The following CTC1 variants were observed in gnomAD, a reference collection of about 807,000 sequenced individuals.
The protein encoded by CTC1 is CST complex subunit CTC1.
In CTC1, 91 loss-of-function variants were observed where a neutral mutation model predicts 136.3. The observed-to-expected ratio is 0.67, with a 90% CI of 0.56 to 0.79. The LOEUF is 0.79. CTC1 is among the 30% of genes least tolerant of loss of function. The pLI is 0.00. For synonymous variants in CTC1, 606 were observed against 613.8 expected (o/e 0.99, Z 0.19); for missense variants, 1,432 against 1,498.1 (o/e 0.96, Z 0.73).
chr17:8,235,993 T>G lies in CTC1; in HGVS notation c.1078-34A>C, dbSNP rs533300549. Reference sequence around the variant, plus strand: ...AGGCCGAGGTCCAGTTGACCACTATTTTCTTCCTCTTTGAAAACCCACATT... The same window carrying G: ...AGGCCGAGGTCCAGTTGACCACTATGTTCTTCCTCTTTGAAAACCCACATT... On this transcript the variant is annotated intron_variant, in intron 6 of 22. Transcript: ENST00000651323. The G allele has an allele frequency of 1.8e-4, 295 of 1,599,816 alleles. 1 individual carries two copies. The South Asian group carries it at 3.0e-3, about 16-fold the overall frequency.
chr17:8,235,995 T>C, intron 6 of CTC1, 36 bp from the exon 7 acceptor site: 1 of 1,600,014 alleles, frequency 6.2e-7, no homozygotes, highest in East Asian at 2.2e-5. Flanking sequence ...ACCACTATTT[T>C]CTTCCTCTTT....
intron 11 of CTC1, 41 bp downstream of exon 11, chr17:8,232,865 C>T: frequency 1.2e-6 from 2 of 1,605,634 alleles, no homozygotes. Context: ...ATGAGAACCA[C>T]CATCCCACTA....
chr17:8,230,781 T>C, intron 15 of CTC1, 130 bp from the exon 16 acceptor site: 1 of 743,612 alleles, frequency 1.3e-6, no homozygotes, highest in South Asian at 1.7e-5. Context: ...TGAAAAAACC[T>C]GAGCTCTGCC....
chr17:8,241,393 G>A (rs1478623154), intron 2 of CTC1, among the ~76,000 whole-genome samples: 1 of 152,084 alleles, frequency 6.6e-6, no homozygotes, highest in Non-Finnish European at 1.5e-5. Context: ...GACCGAGACG[G>A]CAGATCACCT....
At chr17:8,242,551 AAAATATATAT>A (rs1336316321) in intron 2 of CTC1, among the ~76,000 whole-genome samples, 19 of 45,280 alleles carry the variant, frequency 4.2e-4, no homozygotes, top group African/African-American at 6.1e-4. Flanking sequence ...AAAAAAAAAA[AAAATATATAT>A]ATATATATAT....
chr17:8,228,027 A>T lies in CTC1; in HGVS notation c.*153T>A. 1.3e-6 allele frequency: 1 copy of T among 774,454 alleles called. No homozygotes were observed. The highest frequency in any genetic ancestry group is 2.0e-6 in the Non-Finnish European group (1 of 492,160). The allele number at this position is 774,454 out of a possible 1,614,324, so 48.0% of individuals were successfully genotyped here. On this transcript the variant is annotated 3_prime_UTR_variant, in exon 23 of 23. Coordinates refer to ENST00000651323, the MANE Select transcript of CTC1 (RefSeq NM_025099.6). ...CACAATTTTGCCAAGGCAGGCTGGC[A>T]CCAGAACACCAAAGAAGGGAAATTA... is the stretch of plus-strand genomic sequence containing the variant.
chr17:8,247,053 G>C (rs1258349220), intron 1 of CTC1, among the ~76,000 whole-genome samples: 7 of 146,956 alleles, frequency 4.8e-5, no homozygotes, highest in Non-Finnish European at 1.0e-4. Context: ...GAGTGCAGTG[G>C]CGCGATCTCG....
Position 8,226,639 on chromosome 17 carries a change from G to C in CTC1, c.*1541C>G, listed in dbSNP as rs554261837. On this transcript the variant is annotated 3_prime_UTR_variant, in exon 23 of 23. Coordinates refer to ENST00000651323, the MANE Select transcript of CTC1 (RefSeq NM_025099.6). ...GTCGGCAGGATTCGAACCTGCGCGG[G>C]GAGACCCCAATGGATTTCTAGTCCA... 6.6e-6 allele frequency: 1 copy of C among 151,638 alleles called. No individual in the cohort carries two copies. The highest frequency in any genetic ancestry group is 2.4e-5 in the African/African-American group (1 of 40,916). The allele number at this position is 151,638 out of a possible 1,614,324, so 9.4% of individuals were successfully genotyped here.
chr17:8,229,011 C>T (rs540215567), intron 20 of CTC1, 119 bp from the exon 21 acceptor site: 2 of 1,468,688 alleles, frequency 1.4e-6, no homozygotes, highest in Non-Finnish European at 1.9e-6. Flanking sequence ...TAGGAGCTTA[C>T]CCTCATTCAT....
chr17:8,241,353 G>T (rs1315868950), intron 2 of CTC1, among the ~76,000 whole-genome samples: 1 of 151,780 alleles, frequency 6.6e-6, no homozygotes, highest in South Asian at 2.1e-4. Context: ...GGGTGCAATG[G>T]TTCACACCTG....
intron 1 of CTC1, among the ~76,000 whole-genome samples, chr17:8,247,300 C>G (rs1233102796): frequency 6.8e-6 from 1 of 146,010 alleles, no homozygotes; most frequent in Non-Finnish European, 1.5e-5. Flanking sequence ...AAACCCCTTC[C>G]GGCGCTTTTT....
chr17:8,228,754 C>T lies in CTC1; in HGVS notation c.3360G>A (p.Gln1120=). 6.2e-7 allele frequency: 1 copy of T among 1,614,166 alleles called. No individual in the cohort carries two copies. Among genetic ancestry groups the T allele is most frequent in the Non-Finnish European group, 8.5e-7 (1 of 1,180,000 alleles). The change falls in exon 21 of 23, where the codon CAG becomes CAA. Residue 1120 remains glutamine, a synonymous_variant. Transcript: ENST00000651323. ...FVQVPGRVVL[Q]FAGPGAQLES... Reference sequence around the variant, plus strand: ...CAAGTTGGGCTCCAGGCCCTGCAAACTGCAAGACCACTCTGCCTGGCACTT... The same window carrying T: ...CAAGTTGGGCTCCAGGCCCTGCAAATTGCAAGACCACTCTGCCTGGCACTT...
At chr17:8,246,831 G>C (rs1326620604) in intron 1 of CTC1, among the ~76,000 whole-genome samples, 1 of 151,990 alleles carries the variant, frequency 6.6e-6, no homozygotes, top group Non-Finnish European at 1.5e-5. Flanking sequence ...GCTTGAACCT[G>C]GGAGGCAGAG....
At chr17:8,247,115 T>A (rs529315488) in intron 1 of CTC1, among the ~76,000 whole-genome samples, 2 of 151,592 alleles carry the variant, frequency 1.3e-5, no homozygotes, top group South Asian at 4.2e-4. Context: ...CCTGAGCAGC[T>A]GGGATTACCG....
rs777409385 is a variant in CTC1, at chr17:8,234,911, C to T, written c.1455G>A (p.Val485=). ...EELACKLCPH[V]LRHHQFLQHS... ...GTTGCAGGAACTGGTGGTGTCTCAG[C>T]ACATGGGGACACAGCCTTGGCCAGG... Residue 485 remains valine (V), a synonymous_variant, in exon 9 of 23, where the codon GTG becomes GTA. Transcript: ENST00000651323. 15 of 1,601,412 alleles carry T rather than the reference C, an allele frequency of 9.4e-6. No homozygotes were observed. Among genetic ancestry groups the T allele is most frequent in the Non-Finnish European group, 1.2e-5 (14 of 1,173,476 alleles).
In CTC1 at chr17:8,243,031, AC is replaced by A; in HGVS notation, c.150del (p.Trp50CysfsTer65). 2 of 1,613,846 alleles carry A rather than the reference AC, an allele frequency of 1.2e-6. No homozygotes were observed. The highest frequency in any genetic ancestry group is 1.7e-6 in the Non-Finnish European group (2 of 1,179,890). ...PLVIDCVKTV[W>X]LSQGRNQGST... ...GAACCTTGGTTCCTTCCCTGGGACA[AC>A]CAGACAGTCTTCACACAATCAATTA... On this transcript the variant is annotated frameshift_variant, in exon 2 of 23. Transcript: ENST00000651323. LOFTEE classifies it high-confidence loss of function.
chr17:8,240,888 A>G lies in CTC1; in HGVS notation c.197+2097T>C, dbSNP rs115052751. Reference sequence around the variant, plus strand: ...CGAAATTCCATCTCCAAAAAAAAGAAATTACTTTGGAATTAATGTAACAAA... The same window carrying G: ...CGAAATTCCATCTCCAAAAAAAAGAGATTACTTTGGAATTAATGTAACAAA... On this transcript the variant is annotated intron_variant, in intron 2 of 22. Transcript: ENST00000651323. Among the ~76,000 whole-genome samples the G allele has an allele frequency of 4.7e-3, 716 of 152,296 alleles. 3 individuals are homozygous for G. Among genetic ancestry groups the G allele is most frequent in the African/African-American group, 0.016 (660 of 41,556 alleles).
At position 8,225,821 on chromosome 17, in the gene CTC1, A is replaced by G. The variant is rs1986585712; in HGVS notation, c.*2359T>C. On this transcript the variant is annotated 3_prime_UTR_variant, in exon 23 of 23. Coordinates refer to ENST00000651323, the MANE Select transcript of CTC1 (RefSeq NM_025099.6). ...ACTGTATATTTAAATATATATTTTT[A>G]TATTATATACTATATATATAACATT... 1.3e-5 allele frequency: 2 copies of G among 150,586 alleles called. No homozygotes were observed. The highest frequency in any genetic ancestry group is 2.4e-5 in the African/African-American group (1 of 41,174). The allele number at this position is 150,586 out of a possible 1,614,324, so 9.3% of individuals were successfully genotyped here. A position where few individuals can be genotyped will look rare whatever the true frequency, so the allele number is the denominator to read the frequency against.
intron 10 of CTC1, 126 bp from the exon 11 acceptor site, chr17:8,233,158 CA>C (rs1236563077): frequency 4.8e-6 from 5 of 1,040,560 alleles, no homozygotes; most frequent in Non-Finnish European, 5.5e-6. Context: ...TCTCTGGCTT[CA>C]AAAAACTTAT....
Sources: gnomAD v4.1 joint callset for allele counts (sites outside exome capture counted in the v4.1 genomes callset) on GRCh38, gnomAD v4.1.1 for gene constraint, MANE v1.5 for transcripts, NCBI Gene and HGNC (gene_info 2026-07-23, HGNC 2026-07-21) for gene names.